DNAH5: variants seen among roughly 807,000 people sequenced by gnomAD.
DNAH5 encodes axonemal beta dynein heavy chain 5.
A neutral mutation model predicts 518.2 loss-of-function variants in DNAH5; 372 were observed. That is an observed-to-expected ratio of 0.72 (90% CI 0.66 to 0.78). The LOEUF is 0.78. Among genes scored for constraint, DNAH5 ranks in the 30% least tolerant of loss-of-function variants. The pLI is 0.00. For synonymous variants in DNAH5, 2,039 were observed against 2,025.9 expected, an observed-to-expected ratio of 1.01 and a Z score of -0.17; for missense variants, 5,523 against 5,687.0, an observed-to-expected ratio of 0.97 and a Z score of 0.93.
chr5:13,978,081 T>C (rs1053872153), intron 1 of DNAH5, among the ~76,000 whole-genome samples: 3 of 152,140 alleles, frequency 2.0e-5, no homozygotes, highest in South Asian at 2.1e-4. Context: ...ATCGTCCCTA[T>C]GGAGGGGAGA....
intron 47 of DNAH5, among the ~76,000 whole-genome samples, chr5:13,805,568 C>G (rs886312869): frequency 5.3e-5 from 8 of 151,830 alleles, no homozygotes; most frequent in Non-Finnish European, 1.2e-4. Context: ...GTAATAAAAC[C>G]CCAATAAAAA....
chr5:14,005,578 GAAAAATCTTC>G (rs1561074676), intron 1 of DNAH5, among the ~76,000 whole-genome samples: 1 of 152,210 alleles, frequency 6.6e-6, no homozygotes, highest in African/African-American at 2.4e-5. Flanking sequence ...CAGCTGATGA[GAAAAATCTTC>G]AAAATGCAGC....
intron 1 of DNAH5, among the ~76,000 whole-genome samples, chr5:14,010,230 G>C (rs1177832632): frequency 6.6e-6 from 1 of 152,110 alleles, no homozygotes; most frequent in Non-Finnish European, 1.5e-5. Flanking sequence ...ATGAAAAGAG[G>C]TATGTCAATG....
chr5:13,852,473 T>A (rs1472246878), intron 30 of DNAH5, among the ~76,000 whole-genome samples: 2 of 58,734 alleles, frequency 3.4e-5, no homozygotes, highest in Non-Finnish European at 8.9e-5. Flanking sequence ...AGCCAGTTTA[T>A]TTTTTTTTTC....
chr5:13,699,490 C>T (rs372830228), intron 78 of DNAH5, among the ~76,000 whole-genome samples: 2 of 152,080 alleles, frequency 1.3e-5, no homozygotes, highest in Admixed American at 1.3e-4. Context: ...AAGGCGGGGG[C>T]AGATCATGAG....
intron 54 of DNAH5, 77 bp downstream of exon 54, chr5:13,777,125 T>C (rs899667799): frequency 1.1e-5 from 16 of 1,402,334 alleles, no homozygotes; most frequent in Non-Finnish European, 1.6e-5. Context: ...ACACCACTAA[T>C]GGAAGAAAAC....
At chr5:13,876,623 A>G in intron 22 of DNAH5, 61 bp downstream of exon 22, 1 of 1,591,256 alleles carries the variant, frequency 6.3e-7, no homozygotes, top group Non-Finnish European at 8.6e-7. Flanking sequence ...TGTGATGTTC[A>G]CTTTCACACA....
chr5:13,860,640 T>A (rs1328850456), intron 29 of DNAH5: 2 of 152,238 alleles, frequency 1.3e-5, no homozygotes, highest in Admixed American at 1.3e-4. Flanking sequence ...AGACCAAGCT[T>A]GGGTCCCTGA....
At chr5:13,981,726 A>T (rs747890615) in intron 1 of DNAH5, among the ~76,000 whole-genome samples, 4 of 152,154 alleles carry the variant, frequency 2.6e-5, no homozygotes, top group Non-Finnish European at 4.4e-5. Flanking sequence ...TAACAGATCA[A>T]TATCTTGATC....
chr5:13,735,703 G>C, intron 67 of DNAH5, 115 bp downstream of exon 67: 1 of 905,658 alleles, frequency 1.1e-6, no homozygotes, highest in Non-Finnish European at 1.8e-6. Flanking sequence ...ACTGATCTGA[G>C]ATTTAAAAAA....
intron 47 of DNAH5, among the ~76,000 whole-genome samples, chr5:13,796,557 G>GA (rs1420179740): frequency 6.6e-6 from 1 of 151,864 alleles, no homozygotes; most frequent in Non-Finnish European, 1.5e-5. Context: ...AAGAGGACAC[G>GA]AAAAAATGGA....
chr5:13,749,035 GTGT>G (rs1280816361), intron 65 of DNAH5, among the ~76,000 whole-genome samples: 1 of 152,004 alleles, frequency 6.6e-6, no homozygotes, highest in East Asian at 1.9e-4. Context: ...AGGTCCAGCA[GTGT>G]TAGCAGATTC....
chr5:13,976,204 A>G (rs1217389594), intron 1 of DNAH5, among the ~76,000 whole-genome samples: 1 of 152,232 alleles, frequency 6.6e-6, no homozygotes. Flanking sequence ...ATTAAGGGTA[A>G]GCCATATGGG....
At chr5:13,886,559 T>C (rs1772464418) in intron 17 of DNAH5, among the ~76,000 whole-genome samples, 1 of 152,216 alleles carries the variant, frequency 6.6e-6, no homozygotes, top group Admixed American at 6.5e-5. Flanking sequence ...TTCTCAAGAA[T>C]GGATTTAATA....
intron 1 of DNAH5, among the ~76,000 whole-genome samples, chr5:13,986,039 G>A (rs1457602418): frequency 6.6e-6 from 1 of 152,216 alleles, no homozygotes; most frequent in Non-Finnish European, 1.5e-5. Context: ...GCCCCCTGCT[G>A]TACTCCTTGG....
intron 15 of DNAH5, chr5:13,898,392 T>C (rs1223912548): frequency 1.0e-5 from 4 of 396,308 alleles, no homozygotes; most frequent in Non-Finnish European, 1.8e-5. Flanking sequence ...AATATGTAAA[T>C]TGACTAAGTG....
In DNAH5 at chr5:13,829,510, C is replaced by T. The variant is rs769544175; in HGVS notation, c.6444G>A (p.Gln2148=). The part of the protein sequence containing the change: ...YKLCEEQLSK[Q]VHYDFGLRNI... ...GCATAAGACCTCCAGGATGACACAC[C>T]TGCTTAGAAAGCTGCTCCTCACACA... The change falls in exon 38 of 79, where the codon CAG becomes CAA. Residue 2148 remains glutamine (Q), a splice_region_variant and synonymous_variant. Coordinates refer to ENST00000265104, the MANE Select transcript of DNAH5 (RefSeq NM_001369.3). 6.2e-6 allele frequency: 10 copies of T among 1,613,966 alleles called. No individual in the cohort carries two copies. The highest frequency in any genetic ancestry group is 6.8e-6 in the Non-Finnish European group (8 of 1,180,000).
At chr5:13,942,149 A>T (rs4702003) in intron 1 of DNAH5, among the ~76,000 whole-genome samples, 140,873 of 152,252 alleles carry the variant, frequency 0.93, 65,256 homozygotes, top group Non-Finnish European at 0.94. Flanking sequence ...TCAAGTTTTT[A>T]AATGAAAATA....
At chr5:13,788,125 C>T (rs1257329606) in intron 51 of DNAH5, among the ~76,000 whole-genome samples, 1 of 152,146 alleles carries the variant, frequency 6.6e-6, no homozygotes, top group Admixed American at 6.6e-5. Context: ...AAGCTTGCCC[C>T]ACATCAGCCA....
Sources: allele counts gnomAD v4.1 joint callset (sites outside exome capture counted in the v4.1 genomes callset), GRCh38; gene constraint gnomAD v4.1.1; transcripts MANE v1.5; gene names NCBI Gene and HGNC (gene_info 2026-07-23, HGNC 2026-07-21).